The following EEPD1 variants were observed in gnomAD, a reference collection of about 807,000 sequenced individuals.
EEPD1 encodes endonuclease/exonuclease/phosphatase family domain-containing protein 1.
A neutral mutation model predicts 46.3 loss-of-function variants in EEPD1; 17 were observed. The ratio of observed to expected loss-of-function variants is 0.37; its 90% CI spans 0.25 to 0.55. The LOEUF is 0.55. Among genes scored for constraint, EEPD1 ranks in the 20% least tolerant of loss-of-function variants. The pLI is 0.83. For synonymous variants in EEPD1, 313 were observed against 315.6 expected, an observed-to-expected ratio of 0.99 and a Z score of 0.09; for missense variants, 673 against 745.6, an observed-to-expected ratio of 0.90 and a Z score of 1.13.
Position 36,193,677 on chromosome 7 carries a change from C to T in EEPD1, c.878+38475C>T. ...GACACTGCGAGTATTGTTTGGCCTT[C>T]AGTGAGGGGCAGTCTTGATCAAGAA... On this transcript the variant is annotated intron_variant, in intron 2 of 7. Transcript: ENST00000242108. This position sits in a 1 kb window ranked among gnomAD's most constrained non-coding sequence, Gnocchi z 4.9. Among the ~76,000 whole-genome samples, 1 of 152,154 alleles carries T rather than the reference C, an allele frequency of 6.6e-6. No homozygotes were observed. Among genetic ancestry groups the T allele is most frequent in the East Asian group, 1.9e-4 (1 of 5,194 alleles).
rs755087208 is a variant in EEPD1, at chr7:36,238,978, C to T, written c.879-7C>T. 1.9e-6 allele frequency: 3 copies of T among 1,600,578 alleles called. No homozygotes were observed. Among genetic ancestry groups the T allele is most frequent in the Admixed American group, 1.8e-5 (1 of 55,542 alleles). On this transcript the variant is annotated splice_polypyrimidine_tract_variant and splice_region_variant and intron_variant, in intron 2 of 7. Transcript: ENST00000242108. ...TTCAAGTGTGGTTTTGATTTTTTTT[C>T]TTACAGCATCAAGCTTCTAGCTGTG...
chr7:36,224,283 G>A (rs141908837), intron 2 of EEPD1, among the ~76,000 whole-genome samples: 1 of 152,332 alleles, frequency 6.6e-6, no homozygotes, highest in Non-Finnish European at 1.5e-5. Flanking sequence ...AAGGTTTCAA[G>A]TTGACTGGAA....
chr7:36,263,070 G>C (rs1465277785), intron 3 of EEPD1, among the ~76,000 whole-genome samples: 1 of 152,186 alleles, frequency 6.6e-6, no homozygotes, highest in Non-Finnish European at 1.5e-5. Flanking sequence ...GTTCATGGTG[G>C]TGCATGCCTG....
intron 2 of EEPD1, among the ~76,000 whole-genome samples, chr7:36,158,543 G>GT (rs1451771842): frequency 1.3e-5 from 2 of 152,176 alleles, no homozygotes; most frequent in African/African-American, 2.4e-5. Context: ...ATAAGAAACT[G>GT]TTTTGCAAGT....
intron 3 of EEPD1, among the ~76,000 whole-genome samples, chr7:36,269,189 C>T (rs559544919): frequency 1.1e-4 from 17 of 152,286 alleles, no homozygotes; most frequent in African/African-American, 3.6e-4. Flanking sequence ...ACTTCACGCG[C>T]TCCTCAAGGT....
intron 2 of EEPD1, 105 bp downstream of exon 2, chr7:36,155,307 A>G (rs1784809533): frequency 2.3e-6 from 3 of 1,325,920 alleles, no homozygotes; most frequent in Non-Finnish European, 3.0e-6. Context: ...GGAGGGTGCA[A>G]GAGTTTTTAA....
At chr7:36,290,537 A>G (rs1270269526) in intron 6 of EEPD1, among the ~76,000 whole-genome samples, 1 of 152,222 alleles carries the variant, frequency 6.6e-6, no homozygotes, top group Non-Finnish European at 1.5e-5. Context: ...CTATCAGAGC[A>G]AACAGAACCG....
intron 2 of EEPD1, among the ~76,000 whole-genome samples, chr7:36,165,986 A>T (rs1784976285): frequency 6.6e-6 from 1 of 152,228 alleles, no homozygotes; most frequent in Non-Finnish European, 1.5e-5. Flanking sequence ...CGGAGAACCG[A>T]TGAATACTGT....
intron 3 of EEPD1, among the ~76,000 whole-genome samples, chr7:36,259,869 G>A (rs1363444649): frequency 1.3e-5 from 2 of 152,182 alleles, no homozygotes; most frequent in East Asian, 3.9e-4. Flanking sequence ...GTAGATTAGT[G>A]TGTATTTACA....
intron 2 of EEPD1, among the ~76,000 whole-genome samples, chr7:36,159,244 G>A (rs1477509212): frequency 6.6e-6 from 1 of 152,230 alleles, no homozygotes; most frequent in Non-Finnish European, 1.5e-5. Flanking sequence ...AGTCAATGTA[G>A]ATTAGTTTGT....
At chr7:36,165,042 A>G (rs955457587) in intron 2 of EEPD1, among the ~76,000 whole-genome samples, 1 of 140,356 alleles carries the variant, frequency 7.1e-6, no homozygotes, top group African/African-American at 2.7e-5. Context: ...ATTAGTGAAG[A>G]AAGAAAAAAC....
At chr7:36,262,186 C>T (rs1207496555) in intron 3 of EEPD1, among the ~76,000 whole-genome samples, 2 of 152,156 alleles carry the variant, frequency 1.3e-5, no homozygotes, top group Admixed American at 1.3e-4. Context: ...TTTTTACATG[C>T]AGAATTAGCC....
chr7:36,171,876 AGGTGCCAT>A (rs1479410186), intron 2 of EEPD1, among the ~76,000 whole-genome samples: 3 of 152,252 alleles, frequency 2.0e-5, no homozygotes, highest in Non-Finnish European at 4.4e-5. Context: ...CATCAGAGTC[AGGTGCCAT>A]GACCTTGGTG....
At chr7:36,207,479 T>G (rs927058940) in intron 2 of EEPD1, among the ~76,000 whole-genome samples, 1 of 152,166 alleles carries the variant, frequency 6.6e-6, no homozygotes. Context: ...GCCACCTACT[T>G]GAAATCCTAC....
chr7:36,166,401 T>C (rs1784980858), intron 2 of EEPD1, among the ~76,000 whole-genome samples: 1 of 152,216 alleles, frequency 6.6e-6, no homozygotes, highest in Admixed American at 6.5e-5. Context: ...ATGTTTAAGA[T>C]ATTACCATTT....
At chr7:36,181,369 T>C (rs149266300) in intron 2 of EEPD1, among the ~76,000 whole-genome samples, 1 of 152,320 alleles carries the variant, frequency 6.6e-6, no homozygotes, top group Non-Finnish European at 1.5e-5. Context: ...TGGTGTCCTG[T>C]GCTCACCTCT....
At chr7:36,205,255 G>T (rs1164198307) in intron 2 of EEPD1, among the ~76,000 whole-genome samples, 2 of 152,226 alleles carry the variant, frequency 1.3e-5, no homozygotes, top group African/African-American at 4.8e-5. Flanking sequence ...AGTGATGTGA[G>T]ACTTTTTGTC....
chr7:36,161,818 C>G (rs1784904129), intron 2 of EEPD1, among the ~76,000 whole-genome samples: 1 of 150,168 alleles, frequency 6.7e-6, no homozygotes, highest in Admixed American at 6.7e-5. Context: ...TCAGAAGGCC[C>G]AGAAATTCAA....
intron 2 of EEPD1, among the ~76,000 whole-genome samples, chr7:36,197,942 G>T (rs1727556633): frequency 1.3e-5 from 2 of 151,236 alleles, no homozygotes; most frequent in South Asian, 4.2e-4. Context: ...AACAATACTA[G>T]AATAGCATTC....
Sources: gnomAD v4.1 joint callset for allele counts (sites outside exome capture counted in the v4.1 genomes callset) on GRCh38, gnomAD v4.1.1 for gene constraint, Gnocchi (gnomAD v3.1) non-coding constraint, MANE v1.5 for transcripts, NCBI Gene and HGNC (gene_info 2026-07-23, HGNC 2026-07-21) for gene names.